CELF4: variants seen among roughly 807,000 people sequenced by gnomAD.
The protein encoded by CELF4 is CUGBP Elav-like family member 4.
In CELF4, 18 loss-of-function variants were observed where a neutral mutation model predicts 59.9. The ratio of observed to expected loss-of-function variants is 0.30; its 90% CI spans 0.21 to 0.45. The LOEUF is 0.45. Among genes scored for constraint, CELF4 ranks in the 20% least tolerant of loss-of-function variants. The pLI is 1.00. For synonymous variants in CELF4, 261 were observed against 267.1 expected (o/e 0.98, Z 0.22); for missense variants, 456 against 689.0 (o/e 0.66, Z 3.79).
intron 10 of CELF4, among the ~76,000 whole-genome samples, chr18:37,262,788 C>T (rs2075535022): frequency 6.6e-6 from 1 of 152,172 alleles, no homozygotes; most frequent in South Asian, 2.1e-4. Context: ...AAGGCTTGGA[C>T]TGTGGGGAAG....
At chr18:37,293,521 A>C (rs1333660710) in intron 3 of CELF4, among the ~76,000 whole-genome samples, 1 of 152,196 alleles carries the variant, frequency 6.6e-6, no homozygotes, top group Non-Finnish European at 1.5e-5. Flanking sequence ...TAACTTGATT[A>C]CATTTGCAAA....
chr18:37,491,650 GAGA>G (rs1359498420), intron 1 of CELF4, among the ~76,000 whole-genome samples: 1 of 152,290 alleles, frequency 6.6e-6, no homozygotes. Flanking sequence ...GGAGGGAAGG[GAGA>G]AGGAGTGTGT....
chr18:37,259,094 G>A (rs780039016), intron 11 of CELF4, 87 bp downstream of exon 11: 2 of 1,600,408 alleles, frequency 1.2e-6, no homozygotes, highest in African/African-American at 1.3e-5. Flanking sequence ...CCTAGGTGAA[G>A]CTAATTGGTT....
At chr18:37,256,151 C>T (rs1310688073) in intron 11 of CELF4, among the ~76,000 whole-genome samples, 1 of 152,192 alleles carries the variant, frequency 6.6e-6, no homozygotes, top group Non-Finnish European at 1.5e-5. Context: ...CCAGAGCTAC[C>T]TCTCCTTCCC....
At chr18:37,446,174 T>C (rs2099747682) in intron 2 of CELF4, among the ~76,000 whole-genome samples, 1 of 152,164 alleles carries the variant, frequency 6.6e-6, no homozygotes, top group South Asian at 2.1e-4. Flanking sequence ...CCAGGTGGAT[T>C]GTGCATGTGA....
At chr18:37,341,216 A>AG (rs908698657) in intron 2 of CELF4, among the ~76,000 whole-genome samples, 7 of 152,158 alleles carry the variant, frequency 4.6e-5, no homozygotes, top group Admixed American at 6.5e-5. Flanking sequence ...GTGTCCTCCC[A>AG]GGGGGCCTTG....
intron 3 of CELF4, among the ~76,000 whole-genome samples, chr18:37,292,174 G>C (rs1171088193): frequency 1.0e-5 from 1 of 99,478 alleles, no homozygotes; most frequent in South Asian, 3.8e-4. Flanking sequence ...GTGAGAAATC[G>C]ATTTATTGTT....
chr18:37,333,722 CTCCATCCATCCATCCA>C (rs35996325), intron 2 of CELF4, among the ~76,000 whole-genome samples: 63 of 146,726 alleles, frequency 4.3e-4, no homozygotes, highest in Admixed American at 2.5e-3. Context: ...GGGCCACAAA[CTCCATCCATCCATCCA>C]TCCATCCATC....
intron 3 of CELF4, chr18:37,275,573 C>T (rs2093035084): frequency 2.9e-6 from 1 of 345,432 alleles, no homozygotes; most frequent in Non-Finnish European, 5.5e-6. Context: ...AGACCCTGGG[C>T]TGACCCCTCA....
chr18:37,479,505 G>A (rs923345942), intron 2 of CELF4, among the ~76,000 whole-genome samples: 7 of 152,144 alleles, frequency 4.6e-5, no homozygotes, highest in African/African-American at 1.2e-4. Flanking sequence ...AATGTCCCCC[G>A]CAGGGCAAAA....
chr18:37,423,953 T>G (rs1203693396), intron 2 of CELF4, among the ~76,000 whole-genome samples: 1 of 152,064 alleles, frequency 6.6e-6, no homozygotes, highest in East Asian at 1.9e-4. Flanking sequence ...TTCTTCCTTA[T>G]CCACCCTTCT....
At chr18:37,535,405 G>C (rs1327317178) in intron 1 of CELF4, among the ~76,000 whole-genome samples, 1 of 152,168 alleles carries the variant, frequency 6.6e-6, no homozygotes, top group East Asian at 1.9e-4. Context: ...CTGTTTCAAA[G>C]AGCAGTGGCC....
chr18:37,549,992 T>A (rs1303747021), intron 1 of CELF4, among the ~76,000 whole-genome samples: 1 of 148,884 alleles, frequency 6.7e-6, no homozygotes, highest in Non-Finnish European at 1.5e-5. Flanking sequence ...AGCCCCAGAT[T>A]TGTGATTTTA....
chr18:37,477,885 G>C (rs888681392), intron 2 of CELF4, among the ~76,000 whole-genome samples: 13 of 152,126 alleles, frequency 8.5e-5, no homozygotes, highest in African/African-American at 3.1e-4. Context: ...AGCCACATTG[G>C]GGCAGTGTGA....
intron 2 of CELF4, among the ~76,000 whole-genome samples, chr18:37,322,288 G>A (rs1042073954): frequency 3.9e-5 from 6 of 152,234 alleles, no homozygotes; most frequent in African/African-American, 1.2e-4. Flanking sequence ...TTATGGAAAT[G>A]AGCTGGTCAC....
chr18:37,489,063 T>A (rs1489595977), intron 1 of CELF4, among the ~76,000 whole-genome samples: 2 of 152,204 alleles, frequency 1.3e-5, no homozygotes, highest in Non-Finnish European at 2.9e-5. Context: ...AGAGAGGTGT[T>A]GAAGCCCCTT....
chr18:37,561,422 A>T (rs570989393), intron 1 of CELF4, among the ~76,000 whole-genome samples: 2 of 152,360 alleles, frequency 1.3e-5, no homozygotes, highest in East Asian at 1.9e-4. Flanking sequence ...CATAAATATT[A>T]TACTAAATAC....
At chr18:37,541,611 C>G (rs2099977881) in intron 1 of CELF4, among the ~76,000 whole-genome samples, 1 of 152,142 alleles carries the variant, frequency 6.6e-6, no homozygotes, top group African/African-American at 2.4e-5. Context: ...AATTCAGACA[C>G]CCCTGCCAGG....
intron 2 of CELF4, among the ~76,000 whole-genome samples, chr18:37,428,198 AT>A (rs1197474333): frequency 2.0e-5 from 3 of 152,248 alleles, no homozygotes; most frequent in African/African-American, 7.2e-5. Context: ...TTTAAGGCCT[AT>A]TAGCTGAAGC....
Sources: allele counts gnomAD v4.1 joint callset (sites outside exome capture counted in the v4.1 genomes callset), GRCh38; gene constraint gnomAD v4.1.1; transcripts MANE v1.5; gene names NCBI Gene and HGNC (gene_info 2026-07-23, HGNC 2026-07-21).